Variants in CTNNA2 observed in about 807,000 individuals in gnomAD.
CTNNA2 encodes the protein catenin alpha 2, also known as catenin alpha-2.
A neutral mutation model predicts 101.0 loss-of-function variants in CTNNA2; 42 were observed. That is an observed-to-expected ratio of 0.42 (90% CI 0.32 to 0.54). The LOEUF (loss-of-function observed/expected upper bound fraction) is 0.54, where lower values mean the gene tolerates loss of function less well. CTNNA2 is among the 20% of genes least tolerant of loss of function. CTNNA2 has a pLI of 0.14. For synonymous variants in CTNNA2, 450 were observed against 456.4 expected (o/e 0.99, Z 0.18); for missense variants, 871 against 1,223.1 (o/e 0.71, Z 4.29).
chr2:79,664,094 C>A (rs1682228937), intron 2 of CTNNA2, among the ~76,000 whole-genome samples: 1 of 152,180 alleles, frequency 6.6e-6, no homozygotes, highest in South Asian at 2.1e-4. Context: ...AGCGACCTCA[C>A]TAAGCAATGA....
intron 7 of CTNNA2, among the ~76,000 whole-genome samples, chr2:80,232,345 G>GT (rs61454985): frequency 9.3e-5 from 6 of 64,844 alleles, no homozygotes; most frequent in Non-Finnish European, 1.3e-4. Context: ...TTGTTTGTTT[G>GT]TTTTTTTTTT....
intron 9 of CTNNA2, among the ~76,000 whole-genome samples, chr2:80,472,585 A>G (rs928369531): frequency 3.3e-5 from 5 of 152,206 alleles, no homozygotes; most frequent in Admixed American, 2.0e-4. Context: ...GTTTGTGTCC[A>G]TTAGGTACCA....
chr2:79,330,894 G>T (rs745488342), intron 3 of CTNNA2, among the ~76,000 whole-genome samples: 141 of 152,100 alleles, frequency 9.3e-4, no homozygotes, highest in Non-Finnish European at 3.1e-4. Context: ...TATTAACATT[G>T]TGAGAACAGA....
Position 80,224,479 on chromosome 2 carries a change from C to G in CTNNA2, c.1057-168732C>G, listed in dbSNP as rs141345498. ...TTTTATTTTGAGATGGAGTGTCGCTCTGTCGCCCAAGCTGGAGTACAGTGG... is the reference window on the plus strand; with the variant it reads ...TTTTATTTTGAGATGGAGTGTCGCTGTGTCGCCCAAGCTGGAGTACAGTGG... On this transcript the variant is annotated intron_variant, in intron 7 of 18. Transcript: ENST00000402739. 4.6e-3 allele frequency among the ~76,000 whole-genome samples: 693 copies of G among 152,230 alleles called. 4 individuals carry two copies. The highest frequency in any genetic ancestry group is 0.016 in the African/African-American group (652 of 41,524).
chr2:79,563,146 T>C (rs990825396), intron 1 of CTNNA2, among the ~76,000 whole-genome samples: 103 of 124,806 alleles, frequency 8.3e-4, no homozygotes, highest in Middle Eastern at 4.0e-3. Context: ...GGAAAACACC[T>C]AATAATAAAG....
chr2:79,422,109 C>T (rs1161005293), intron 4 of CTNNA2, among the ~76,000 whole-genome samples: 4 of 152,090 alleles, frequency 2.6e-5, no homozygotes, highest in African/African-American at 9.7e-5. Context: ...GCTGAGATCG[C>T]GCCATTGCCC....
At chr2:80,097,554 C>G (rs1700235536) in intron 7 of CTNNA2, among the ~76,000 whole-genome samples, 1 of 152,152 alleles carries the variant, frequency 6.6e-6, no homozygotes. Context: ...TGTTGGCCTG[C>G]CTTCCTAGAT....
chr2:80,286,295 T>C (rs1674761807), intron 7 of CTNNA2, among the ~76,000 whole-genome samples: 1 of 152,018 alleles, frequency 6.6e-6, no homozygotes, highest in South Asian at 2.1e-4. Context: ...TACTTTCTTC[T>C]TTTCCCCCCG....
At chr2:79,932,663 T>C (rs1353629614) in intron 7 of CTNNA2, among the ~76,000 whole-genome samples, 1 of 152,204 alleles carries the variant, frequency 6.6e-6, no homozygotes, top group African/African-American at 2.4e-5. Flanking sequence ...TAAAGTATGA[T>C]TTACATTTTA....
At chr2:80,624,905 TATCTCTTGCC>T (rs921754903) in intron 18 of CTNNA2, among the ~76,000 whole-genome samples, 12 of 151,960 alleles carry the variant, frequency 7.9e-5, no homozygotes, top group Admixed American at 3.3e-4. Flanking sequence ...TTCTTACAGA[TATCTCTTGCC>T]AATGATCTGT....
chr2:79,338,577 C>CTT (rs1558633909), intron 3 of CTNNA2, among the ~76,000 whole-genome samples: 2 of 116,136 alleles, frequency 1.7e-5, no homozygotes, highest in African/African-American at 7.6e-5. Context: ...TCCTCCTCAT[C>CTT]ATCTTCTTCT....
intron 3 of CTNNA2, among the ~76,000 whole-genome samples, chr2:79,804,620 A>C (rs1354256368): frequency 6.6e-6 from 1 of 152,106 alleles, no homozygotes; most frequent in Non-Finnish European, 1.5e-5. Flanking sequence ...ATGTGAGCAT[A>C]GATTATTCTA....
At chr2:80,590,404 T>C (rs1241941233) in intron 15 of CTNNA2, among the ~76,000 whole-genome samples, 2 of 152,068 alleles carry the variant, frequency 1.3e-5, no homozygotes, top group Admixed American at 6.5e-5. Context: ...TATGCTGTTA[T>C]ACAGATATAA....
intron 7 of CTNNA2, among the ~76,000 whole-genome samples, chr2:80,334,424 G>A (rs1362703755): frequency 1.3e-5 from 2 of 152,160 alleles, no homozygotes; most frequent in African/African-American, 2.4e-5. Flanking sequence ...CTGGCCATGT[G>A]GCCATCTTAC....
intron 7 of CTNNA2, among the ~76,000 whole-genome samples, chr2:80,055,104 C>A (rs557431293): frequency 6.6e-6 from 1 of 152,182 alleles, no homozygotes; most frequent in South Asian, 2.1e-4. Flanking sequence ...CTAGTTCGAA[C>A]TGCAACCTCG....
At chr2:79,981,984 T>C (rs1004192697) in intron 7 of CTNNA2, among the ~76,000 whole-genome samples, 5 of 151,624 alleles carry the variant, frequency 3.3e-5, no homozygotes. Context: ...AAGATTGTTG[T>C]AAGGATTATA....
intron 4 of CTNNA2, among the ~76,000 whole-genome samples, chr2:79,413,399 C>CT (rs1389957704): frequency 1.3e-5 from 2 of 151,922 alleles, no homozygotes. Context: ...CCTCTTCTTC[C>CT]TTTTTTGTGG....
chr2:79,739,042 C>G (rs1488083379), intron 2 of CTNNA2, among the ~76,000 whole-genome samples: 2 of 151,006 alleles, frequency 1.3e-5, no homozygotes, highest in African/African-American at 4.9e-5. Flanking sequence ...CATGCTATTA[C>G]TACCAGTTTT....
intron 9 of CTNNA2, among the ~76,000 whole-genome samples, chr2:80,494,319 A>G (rs1687277352): frequency 6.6e-6 from 1 of 152,232 alleles, no homozygotes; most frequent in Non-Finnish European, 1.5e-5. Flanking sequence ...GGAAGCACAC[A>G]GTCCACCCCA....
Sources: gnomAD v4.1 joint callset for allele counts (sites outside exome capture counted in the v4.1 genomes callset) on GRCh38, gnomAD v4.1.1 for gene constraint, MANE v1.5 for transcripts, NCBI Gene and HGNC (gene_info 2026-07-23, HGNC 2026-07-21) for gene names.